The following WDR33 variants were observed in gnomAD, a reference collection of about 807,000 sequenced individuals.
WDR33 encodes the protein pre-mRNA 3' end processing protein WDR33.
WDR33 carries 47 observed loss-of-function variants against 164.9 expected under a neutral mutation model. That is an observed-to-expected ratio of 0.29 (90% CI 0.23 to 0.36). The LOEUF (loss-of-function observed/expected upper bound fraction) is 0.36. Ranked by LOEUF, WDR33 falls within the 10% of genes least tolerant of loss-of-function variation. The pLI is 1.00. For synonymous variants in WDR33, 505 were observed against 589.0 expected (o/e 0.86, Z 2.06); for missense variants, 1,137 against 1,754.1 (o/e 0.65, Z 6.28).
rs1261164664 is a variant in WDR33 at position 127,706,470 on chromosome 2, G to A, written c.3864C>T (p.Tyr1288=). The A allele has an allele frequency of 1.9e-6, 3 of 1,613,466 alleles. No homozygotes were observed. The highest frequency in any genetic ancestry group is 1.7e-5 in the Admixed American group (1 of 59,928). ...SSLDGEHHDG[Y]HRDEPFGGPP... is the part of the protein sequence containing the mutation. ...GGCCCCCAAAAGGTTCATCTCTGTG[G>A]TATCCATCGTGGTGCTCTCCGTCTA... Residue 1288 remains tyrosine, a synonymous_variant, in exon 22 of 22, where the codon TAC becomes TAT. Coordinates refer to ENST00000322313, the MANE Select transcript of WDR33 (RefSeq NM_018383.5). This position sits in a 1 kb window ranked among gnomAD's most constrained non-coding sequence, Gnocchi z 5.1.
chr2:127,715,205 C>T (rs1304590715), intron 17 of WDR33, among the ~76,000 whole-genome samples: 2 of 149,818 alleles, frequency 1.3e-5, no homozygotes, highest in Non-Finnish European at 2.9e-5. Flanking sequence ...GATTCTCCTG[C>T]TTCAGCCTCC....
chr2:127,774,294 C>T (rs915023105), intron 1 of WDR33, among the ~76,000 whole-genome samples: 16 of 151,868 alleles, frequency 1.1e-4, no homozygotes, highest in Admixed American at 4.6e-4. Flanking sequence ...TCGGATGATC[C>T]GCCCGCCTCA....
chr2:127,729,129 G>A (rs1686640927), intron 7 of WDR33, among the ~76,000 whole-genome samples: 2 of 152,124 alleles, frequency 1.3e-5, no homozygotes, highest in South Asian at 2.1e-4. Flanking sequence ...TTTATTCATC[G>A]CTGTTCTTAA....
At chr2:127,783,943 A>C (rs945880368) in intron 1 of WDR33, among the ~76,000 whole-genome samples, 8 of 151,892 alleles carry the variant, frequency 5.3e-5, no homozygotes, top group Non-Finnish European at 1.2e-4. Context: ...AAGATTCCCC[A>C]AAATTTTTGT....
At chr2:127,737,490 G>A in intron 7 of WDR33, 2 of 986,208 alleles carry the variant, frequency 2.0e-6, no homozygotes, top group Non-Finnish European at 2.4e-6. Context: ...GTCATCACTT[G>A]AAAAGCTAGA....
Position 127,764,809 on chromosome 2 carries a change from T to C in WDR33, c.626+19A>G, listed in dbSNP as rs11557685. ...CCATGACAATAGGGACTACAGAAAA[T>C]GGTATATTGTGTATAAACCTGGCCT... On this transcript the variant is annotated intron_variant, in intron 6 of 21. Coordinates refer to ENST00000322313, the MANE Select transcript of WDR33 (RefSeq NM_018383.5). This position sits in a 1 kb window ranked among gnomAD's most constrained non-coding sequence, Gnocchi z 6.2. 0.081 allele frequency: 130,450 copies of C among 1,614,046 alleles called. 5,603 individuals carry two copies. The highest frequency in any genetic ancestry group is 0.089 in the Non-Finnish European group (105,105 of 1,179,984).
In WDR33 at chr2:127,743,661, A is replaced by C. The variant is rs1470711098; in HGVS notation, c.725-16884T>G. Among the ~76,000 whole-genome samples, 13 of 152,356 alleles carry C rather than the reference A, an allele frequency of 8.5e-5. No homozygotes were observed. In the East Asian group the frequency reaches 2.3e-3, roughly 27 times the overall value. On this transcript the variant is annotated intron_variant, in intron 7 of 21. Coordinates refer to ENST00000322313, the MANE Select transcript of WDR33 (RefSeq NM_018383.5). ...GAAGTGGAAACACATTGAGAGGCAC[A>C]GATTTCCTTCTGTAACCTAGTGGTG...
At chr2:127,807,046 C>A (rs1323838379) in intron 1 of WDR33, among the ~76,000 whole-genome samples, 1 of 152,052 alleles carries the variant, frequency 6.6e-6, no homozygotes, top group Non-Finnish European at 1.5e-5. Flanking sequence ...ACTCTTGTTG[C>A]CCAGGCTGAA....
At position 127,768,180 on chromosome 2, in the gene WDR33, A is replaced by T; in HGVS notation, c.378+9T>A. On this transcript the variant is annotated intron_variant, in intron 4 of 21. Transcript: ENST00000322313. The stretch of plus-strand genomic sequence containing the variant: ...AATTTTCCCCCAAAATATCCAACAG[A>T]TTACTTACCCTAACAACAAATACAG... 2.0e-6 allele frequency: 3 copies of T among 1,498,728 alleles called. No homozygotes were observed. The Admixed American group carries it at 6.2e-5, about 31-fold the overall frequency. The allele number at this position is 1,498,728 out of a possible 1,614,324, so 92.8% of individuals were successfully genotyped here.
intron 7 of WDR33, among the ~76,000 whole-genome samples, chr2:127,747,459 A>C (rs907837111): frequency 3.9e-5 from 6 of 152,074 alleles, no homozygotes; most frequent in African/African-American, 1.4e-4. Context: ...AAAAGTAAAA[A>C]CTTTTACAAT....
At position 127,764,436 on chromosome 2, in the gene WDR33, G is replaced by A. The variant is rs781717551; in HGVS notation, c.626+392C>T. The stretch of plus-strand genomic sequence containing the variant: ...TCCACTTTGTGTGAATTCTGAAGTT[G>A]TTTTCTGTAGGCTTTAGATTTTATT... On this transcript the variant is annotated intron_variant, in intron 6 of 21. Transcript: ENST00000322313. This position sits in a 1 kb window ranked among gnomAD's most constrained non-coding sequence, Gnocchi z 6.2. The A allele has an allele frequency of 2.2e-4, 314 of 1,448,424 alleles. No homozygotes were observed. The highest frequency in any genetic ancestry group is 2.7e-4 in the Non-Finnish European group (300 of 1,103,242). The allele number at this position is 1,448,424 out of a possible 1,614,324, so 89.7% of individuals were successfully genotyped here.
rs1165403253 is a variant in WDR33 at position 127,704,892 on chromosome 2, A to T, written c.*1431T>A. On this transcript the variant is annotated 3_prime_UTR_variant, in exon 22 of 22. Transcript: ENST00000322313. ...CGCTTGAGCCCAGGAGTTTGAAACCAGCATAGACAAAGTGGTGAAACTCCA... is the reference window on the plus strand; with the variant it reads ...CGCTTGAGCCCAGGAGTTTGAAACCTGCATAGACAAAGTGGTGAAACTCCA... The T allele has an allele frequency of 6.1e-6, 1 of 163,050 alleles. No individual in the cohort carries two copies. Among genetic ancestry groups the T allele is most frequent in the Admixed American group, 6.5e-5 (1 of 15,286 alleles). 10.1% of individuals were successfully genotyped at this position (163,050 alleles called of 1,614,324 possible).
Position 127,722,804 on chromosome 2 carries a change from G to A in WDR33, c.1379-74C>T. ...CCACTTGATCAATGAACACATTATT[G>A]GAAGAATAGATTTTAAGTATTATGT... is the stretch of plus-strand genomic sequence containing the variant. On this transcript the variant is annotated intron_variant, in intron 13 of 21. Transcript: ENST00000322313. This position sits in a 1 kb window ranked among gnomAD's most constrained non-coding sequence, Gnocchi z 5.1. The A allele has an allele frequency of 6.6e-7, 1 of 1,508,890 alleles. No individual in the cohort carries two copies. Among genetic ancestry groups the A allele is most frequent in the Non-Finnish European group, 9.0e-7 (1 of 1,109,988 alleles). 93.5% of individuals were successfully genotyped at this position (1,508,890 alleles called of 1,614,324 possible).
rs777924990 is a variant in WDR33 at position 127,792,307 on chromosome 2, A to AGAATT, written c.-24+18700_-24+18704dup. Among the ~76,000 whole-genome samples, 10 of 152,256 alleles carry AGAATT rather than the reference A, an allele frequency of 6.6e-5. No homozygotes were observed. In the South Asian group the frequency reaches 1.9e-3, roughly 28 times the overall value. ...CTTTGAGAACTCACCACTGCCTTAC[A>AGAATT]GAATTAAGTTCAACTAACAAAGGAA... On this transcript the variant is annotated intron_variant, in intron 1 of 21. Transcript: ENST00000322313.
At chr2:127,787,567 C>T (rs1454324675) in intron 1 of WDR33, among the ~76,000 whole-genome samples, 1 of 92,484 alleles carries the variant, frequency 1.1e-5, no homozygotes, top group Non-Finnish European at 2.1e-5. Flanking sequence ...CCGGACGGGG[C>T]GGCTGGCCGG....
At chr2:127,787,463 C>T (rs1257713978) in intron 1 of WDR33, among the ~76,000 whole-genome samples, 6 of 137,264 alleles carry the variant, frequency 4.4e-5, no homozygotes, top group South Asian at 2.4e-4. Context: ...ACCTCCCGGA[C>T]GGGGCAGCTG....
At chr2:127,733,932 G>C (rs1287011007) in intron 7 of WDR33, among the ~76,000 whole-genome samples, 1 of 152,168 alleles carries the variant, frequency 6.6e-6, no homozygotes, top group Non-Finnish European at 1.5e-5. Context: ...GGTTAGGGCA[G>C]TGGTGGGAGG....
In WDR33 at chr2:127,701,892, G is replaced by A. The variant is rs777128165; in HGVS notation, c.*4431C>T. 4.8e-6 allele frequency: 7 copies of A among 1,456,304 alleles called. No homozygotes were observed. Among genetic ancestry groups the A allele is most frequent in the Non-Finnish European group, 3.6e-6 (4 of 1,110,390 alleles). The allele number at this position is 1,456,304 out of a possible 1,614,324, so 90.2% of individuals were successfully genotyped here. ...ACTGGGCTCGGCGCTGGCGTTGGCG[G>A]GAAGCGCGCTGCTGCGGGGCGGCGC... On this transcript the variant is annotated 3_prime_UTR_variant, in exon 22 of 22. Transcript: ENST00000322313.
In WDR33 at chr2:127,701,804, C is replaced by A; in HGVS notation, c.*4519G>T. ...TGCTGCTGGCTGCACTGTGTTTCGGCCTAGCCGCGCTCTACGCACCGGTGT... is the reference window on the plus strand; with the variant it reads ...TGCTGCTGGCTGCACTGTGTTTCGGACTAGCCGCGCTCTACGCACCGGTGT... On this transcript the variant is annotated 3_prime_UTR_variant, in exon 22 of 22. Transcript: ENST00000322313. 1 of 1,455,874 alleles carries A rather than the reference C, an allele frequency of 6.9e-7. No homozygotes were observed. Among genetic ancestry groups the A allele is most frequent in the Non-Finnish European group, 9.0e-7 (1 of 1,108,138 alleles). 90.2% of individuals were successfully genotyped at this position (1,455,874 alleles called of 1,614,324 possible). A position where few individuals can be genotyped will look rare whatever the true frequency, so the allele number is the denominator to read the frequency against.
Sources: gnomAD v4.1 joint callset for allele counts (sites outside exome capture counted in the v4.1 genomes callset) on GRCh38, gnomAD v4.1.1 for gene constraint, Gnocchi (gnomAD v3.1) non-coding constraint, MANE v1.5 for transcripts, NCBI Gene and HGNC (gene_info 2026-07-23, HGNC 2026-07-21) for gene names.